MS4A4A: variants seen among roughly 807,000 people sequenced by gnomAD.
MS4A4A encodes the protein membrane spanning 4-domains A4A.
MS4A4A carries 26 observed loss-of-function variants against 28.0 expected under a neutral mutation model. That is an observed-to-expected ratio of 0.93 (90% CI 0.68 to 1.29). MS4A4A has a LOEUF of 1.29. Ranked by LOEUF, MS4A4A falls within the 50% of genes most tolerant of loss-of-function variation. The pLI is 0.00. For missense variants in MS4A4A, 290 were observed against 293.1 expected (o/e 0.99, Z 0.08); for synonymous variants, 86 against 100.8 (o/e 0.85, Z 0.88).
chr11:60,292,235 G>A lies in MS4A4A; in HGVS notation c.52G>A (p.Ala18Thr). ...CATTTCTTATTGTAGCACCTTTTCT[G>A]CTGCCATGACAACCATGCAAGGAAT... ...HCRPEESTFS[A>T]AMTTMQGMEQ... Residue 18 changes from alanine (A) to threonine (T), a missense_variant, in exon 2 of 7, where the codon GCT becomes ACT. Transcript: ENST00000337908. 2 of 1,549,570 alleles carry A rather than the reference G, an allele frequency of 1.3e-6. No homozygotes were observed. Among genetic ancestry groups the A allele is most frequent in the Non-Finnish European group, 1.7e-6 (2 of 1,154,204 alleles).
At chr11:60,299,708 G>T (rs992900969) in intron 3 of MS4A4A, among the ~76,000 whole-genome samples, 1 of 152,002 alleles carries the variant, frequency 6.6e-6, no homozygotes, top group African/African-American at 2.4e-5. Context: ...TGATCCACCC[G>T]CCTCAGCCTC....
At chr11:60,282,183 C>T (rs528523626) in intron 1 of MS4A4A, among the ~76,000 whole-genome samples, 9 of 152,254 alleles carry the variant, frequency 5.9e-5, no homozygotes, top group African/African-American at 1.9e-4. Context: ...GATATAATTG[C>T]TCTGCCCTCG....
intron 1 of MS4A4A, among the ~76,000 whole-genome samples, chr11:60,281,096 T>C (rs1274298154): frequency 6.6e-6 from 1 of 152,232 alleles, no homozygotes; most frequent in Non-Finnish European, 1.5e-5. Context: ...TCTCTGTGTC[T>C]GACTGGTTAT....
At chr11:60,293,923 A>G (rs948166544) in intron 2 of MS4A4A, among the ~76,000 whole-genome samples, 1 of 152,234 alleles carries the variant, frequency 6.6e-6, no homozygotes, top group Non-Finnish European at 1.5e-5. Context: ...TAACATTGCT[A>G]TAAATATCTG....
Position 60,302,637 on chromosome 11 carries a change from G to C in MS4A4A, c.466G>C (p.Ala156Pro). 6.2e-7 allele frequency: 1 copy of C among 1,613,992 alleles called. No individual in the cohort carries two copies. ...GATCTTAATCAACACATTTAGCTTG[G>C]CGTTTTATTCATTCCATCACCCTTA... ...SGILINTFSLAFYSFHHPYCN... is the reference protein window; with the variant it reads ...SGILINTFSLPFYSFHHPYCN... The change falls in exon 5 of 7, where the codon GCG becomes CCG. Residue 156 changes from alanine to proline, a missense_variant. Ala to Pro is a conservative substitution (Grantham distance 27). Coordinates refer to ENST00000337908, the MANE Select transcript of MS4A4A (RefSeq NM_148975.3).
chr11:60,298,781 C>T (rs964872110), intron 3 of MS4A4A, among the ~76,000 whole-genome samples: 6 of 152,216 alleles, frequency 3.9e-5, no homozygotes, highest in Admixed American at 1.3e-4. Flanking sequence ...GCCATTTGTC[C>T]GCTGAGACAT....
intron 2 of MS4A4A, among the ~76,000 whole-genome samples, chr11:60,293,942 T>C (rs1015377417): frequency 3.9e-5 from 6 of 152,236 alleles, no homozygotes; most frequent in Admixed American, 3.9e-4. Flanking sequence ...TGTGTGCAGG[T>C]CATGTGTGGA....
intron 1 of MS4A4A, among the ~76,000 whole-genome samples, chr11:60,286,656 A>G (rs929421700): frequency 9.9e-5 from 15 of 152,118 alleles, no homozygotes; most frequent in African/African-American, 3.6e-4. Flanking sequence ...CTCTTTTGAC[A>G]GTTTTTGACT....
chr11:60,285,693 A>C lies in MS4A4A; in HGVS notation c.41+4977A>C, dbSNP rs1470493569. On this transcript the variant is annotated intron_variant, in intron 1 of 6. Transcript: ENST00000337908. ...CCAGCAAGTTTTTATTAGGGATTTC[A>C]AAAGACGAGGAATGTACAAATAGGG... 3.3e-5 allele frequency among the ~76,000 whole-genome samples: 5 copies of C among 152,208 alleles called. No homozygotes were observed. In the South Asian group the frequency reaches 1.0e-3, roughly 32 times the overall value.
chr11:60,289,670 C>T (rs1027294065), intron 1 of MS4A4A, among the ~76,000 whole-genome samples: 6 of 151,148 alleles, frequency 4.0e-5, no homozygotes, highest in Non-Finnish European at 7.4e-5. Flanking sequence ...TTCTTGGTGA[C>T]ATTCTTTAGA....
intron 5 of MS4A4A, among the ~76,000 whole-genome samples, chr11:60,305,552 A>G (rs945787153): frequency 2.6e-5 from 4 of 152,204 alleles, no homozygotes; most frequent in African/African-American, 9.7e-5. Flanking sequence ...TTCCACTTAT[A>G]TGGATTTTAT....
rs1657884414 is a variant in MS4A4A at position 60,308,236 on chromosome 11, G to C, written c.*58G>C. ...GAAATCTATGCTGACTGTGACACAA[G>C]AGCCTCACATGAGAAATTACCAGTA... On this transcript the variant is annotated 3_prime_UTR_variant, in exon 7 of 7. Coordinates refer to ENST00000337908, the MANE Select transcript of MS4A4A (RefSeq NM_148975.3). The C allele has an allele frequency of 3.3e-5, 50 of 1,526,964 alleles. 1 individual carries two copies. The Middle Eastern group carries it at 5.1e-4, about 16-fold the overall frequency. The allele number at this position is 1,526,964 out of a possible 1,614,324, so 94.6% of individuals were successfully genotyped here.
intron 1 of MS4A4A, among the ~76,000 whole-genome samples, chr11:60,284,244 TA>T (rs1312592889): frequency 2.0e-5 from 3 of 152,238 alleles, no homozygotes; most frequent in Admixed American, 6.5e-5. Context: ...AATGATGAAA[TA>T]ACACATATAA....
chr11:60,306,284 A>AC, intron 6 of MS4A4A, 83 bp downstream of exon 6: 1 of 1,076,126 alleles, frequency 9.3e-7, no homozygotes, highest in Middle Eastern at 2.0e-4. Context: ...GAGTCTTAAC[A>AC]CAGAACACAT....
intron 2 of MS4A4A, 111 bp downstream of exon 2, chr11:60,292,495 C>G (rs73487292): frequency 4.6e-6 from 5 of 1,093,738 alleles, no homozygotes; most frequent in Non-Finnish European, 6.2e-6. Context: ...CCAACCCTCA[C>G]GACGTCAGTA....
At chr11:60,307,613 C>G (rs1435824085) in intron 6 of MS4A4A, among the ~76,000 whole-genome samples, 1 of 152,140 alleles carries the variant, frequency 6.6e-6, no homozygotes, top group African/African-American at 2.4e-5. Flanking sequence ...ATAGCTAGGT[C>G]TCTATCTCTT....
intron 5 of MS4A4A, among the ~76,000 whole-genome samples, chr11:60,304,914 GA>G (rs2084984842): frequency 6.6e-6 from 1 of 152,186 alleles, no homozygotes. Flanking sequence ...TGGAAACACA[GA>G]GGCCACTACA....
chr11:60,282,833 G>T (rs1232802622), intron 1 of MS4A4A: 1 of 982,426 alleles, frequency 1.0e-6, no homozygotes, highest in Non-Finnish European at 1.3e-6. Context: ...AAATATAAAA[G>T]AAGGCTTTTA....
At position 60,280,708 on chromosome 11, in the gene MS4A4A, T is replaced by C. The variant is rs1329856782; in HGVS notation, c.33T>C (p.Pro11=). Residue 11 remains proline, a synonymous_variant, in exon 1 of 7, where the codon CCT becomes CCC. Coordinates refer to ENST00000337908, the MANE Select transcript of MS4A4A (RefSeq NM_148975.3). MHQTYSRHCR[P]EESTFSAAMT... is the part of the protein sequence containing the mutation. ...AGACCTACAGCAGACATTGCAGGCC[T>C]GAAGAAAGGTAGGTCCAGGGACTTG... is the stretch of plus-strand genomic sequence containing the variant. 1 of 1,613,444 alleles carries C rather than the reference T, an allele frequency of 6.2e-7. No individual in the cohort carries two copies. Among genetic ancestry groups the C allele is most frequent in the Non-Finnish European group, 8.5e-7 (1 of 1,179,664 alleles).
Sources: allele counts gnomAD v4.1 joint callset (sites outside exome capture counted in the v4.1 genomes callset), GRCh38; gene constraint gnomAD v4.1.1; transcripts MANE v1.5; gene names NCBI Gene and HGNC (gene_info 2026-07-23, HGNC 2026-07-21).